GAB1: variants seen among roughly 807,000 people sequenced by gnomAD.
The protein encoded by GAB1 is GRB2 associated binding protein 1, also known as GRB2-associated-binding protein 1.
GAB1 carries 19 observed loss-of-function variants against 66.5 expected under a neutral mutation model. That is an observed-to-expected ratio of 0.29 (90% CI 0.20 to 0.42). The LOEUF is 0.42. GAB1 is among the 10% of genes least tolerant of loss of function. The pLI is 1.00. For synonymous variants in GAB1, 294 were observed against 301.4 expected, an observed-to-expected ratio of 0.98 and a Z score of 0.25; for missense variants, 732 against 858.5, an observed-to-expected ratio of 0.85 and a Z score of 1.84.
intron 1 of GAB1, among the ~76,000 whole-genome samples, chr4:143,339,676 C>T (rs930488104): frequency 5.9e-5 from 9 of 152,064 alleles, no homozygotes; most frequent in African/African-American, 2.2e-4. Context: ...GTCTTTGGGA[C>T]CACGAGACAA....
intron 1 of GAB1, among the ~76,000 whole-genome samples, chr4:143,356,548 A>G (rs1729454363): frequency 6.6e-6 from 1 of 152,182 alleles, no homozygotes; most frequent in Non-Finnish European, 1.5e-5. Flanking sequence ...TAAATACAGT[A>G]TGCATTTGAG....
intron 2 of GAB1, among the ~76,000 whole-genome samples, chr4:143,416,585 C>G (rs1286976971): frequency 6.6e-6 from 1 of 152,038 alleles, no homozygotes; most frequent in African/African-American, 2.4e-5. Flanking sequence ...ACCAGCCTGG[C>G]CAACATGGTG....
Position 143,466,243 on chromosome 4 carries a change from T to C in GAB1, c.1926+18T>C. 1 of 1,611,872 alleles carries C rather than the reference T, an allele frequency of 6.2e-7. No individual in the cohort carries two copies. The highest frequency in any genetic ancestry group is 1.1e-5 in the South Asian group (1 of 90,854). Reference sequence around the variant, plus strand: ...CACGTAAGGTGAGTGACATGTGACATGTCTCTTCTTTGTATACAGTTAGTT... The same window carrying C: ...CACGTAAGGTGAGTGACATGTGACACGTCTCTTCTTTGTATACAGTTAGTT... On this transcript the variant is annotated intron_variant, in intron 9 of 9. Coordinates refer to ENST00000262994, the MANE Select transcript of GAB1 (RefSeq NM_002039.4).
intron 1 of GAB1, among the ~76,000 whole-genome samples, chr4:143,350,690 A>G (rs1013507037): frequency 9.2e-5 from 14 of 151,730 alleles, no homozygotes; most frequent in Admixed American, 9.2e-4. Flanking sequence ...AAAAAAAAAA[A>G]AAAAAAAAGA....
chr4:143,415,918 C>A lies in GAB1; in HGVS notation c.367+147C>A, dbSNP rs566617041. 6.9e-5 allele frequency: 46 copies of A among 670,812 alleles called. 1 individual carries two copies. In the East Asian group the frequency reaches 9.4e-4, roughly 14 times the overall value. 41.6% of individuals were successfully genotyped at this position (670,812 alleles called of 1,614,324 possible). On this transcript the variant is annotated intron_variant, in intron 2 of 9. Transcript: ENST00000262994. ...TTGACATTTGGAAAAAGCACTGAAT[C>A]CTTTAATTAGTTTGGGGAGAAGCTG...
At chr4:143,368,630 G>T (rs933096913) in intron 1 of GAB1, among the ~76,000 whole-genome samples, 3 of 152,010 alleles carry the variant, frequency 2.0e-5, no homozygotes, top group Non-Finnish European at 4.4e-5. Context: ...GAGTTCTTCA[G>T]ATTTTTTCCT....
At chr4:143,373,241 A>G (rs1730222333) in intron 1 of GAB1, among the ~76,000 whole-genome samples, 1 of 152,188 alleles carries the variant, frequency 6.6e-6, no homozygotes, top group Non-Finnish European at 1.5e-5. Context: ...CCTTTGGAAT[A>G]TTGTCTTTCA....
chr4:143,424,032 CG>C (rs1186143206), intron 2 of GAB1, among the ~76,000 whole-genome samples: 1 of 151,298 alleles, frequency 6.6e-6, no homozygotes, highest in African/African-American at 2.4e-5. Flanking sequence ...GTCAGACAAA[CG>C]TAATTGCCTG....
Position 143,396,163 on chromosome 4 carries a change from G to A in GAB1, c.73-19314G>A, listed in dbSNP as rs1578651018. 3.3e-5 allele frequency among the ~76,000 whole-genome samples: 5 copies of A among 152,284 alleles called. 1 individual carries two copies. The highest frequency in any genetic ancestry group is 3.3e-4 in the Admixed American group (5 of 15,292). ...GAGCATTCTCCGCCGAATGGCATGG[G>A]GTAGTGACCCTGACTCTGGACAAGG... is the stretch of plus-strand genomic sequence containing the variant. On this transcript the variant is annotated intron_variant, in intron 1 of 9. Transcript: ENST00000262994.
intron 1 of GAB1, among the ~76,000 whole-genome samples, chr4:143,342,185 C>A (rs1248042288): frequency 2.0e-5 from 3 of 151,512 alleles, no homozygotes; most frequent in Admixed American, 2.0e-4. Flanking sequence ...TAGAACTCTC[C>A]ACGTGCAACT....
chr4:143,438,376 C>A lies in GAB1; in HGVS notation c.971C>A (p.Pro324Gln). Residue 324 changes from proline (P) to glutamine (Q), a missense_variant, in exon 4 of 10, where the codon CCA (proline) becomes CAA (glutamine). Around this residue, in one of 4 missense-constraint regions of GAB1, gnomAD observed 427 missense variants for 420.6 expected, o/e 1.02. Coordinates refer to ENST00000262994, the MANE Select transcript of GAB1 (RefSeq NM_002039.4). ...GNTYQIPRTF[P>Q]EGTLGQTSKL... ...ACTTATCAGATTCCACGAACATTTC[C>A]AGAAGGAACCTTGGGACAGACATCA... 1 of 1,614,070 alleles carries A rather than the reference C, an allele frequency of 6.2e-7. No homozygotes were observed. Among genetic ancestry groups the A allele is most frequent in the Non-Finnish European group, 8.5e-7 (1 of 1,179,974 alleles).
intron 1 of GAB1, among the ~76,000 whole-genome samples, chr4:143,411,074 G>T (rs1732360600): frequency 6.6e-6 from 1 of 152,108 alleles, no homozygotes; most frequent in South Asian, 2.1e-4. Flanking sequence ...GAGTGTTTGG[G>T]AAACTACAAG....
At chr4:143,373,887 T>TATA (rs1560726049) in intron 1 of GAB1, among the ~76,000 whole-genome samples, 6 of 98,248 alleles carry the variant, frequency 6.1e-5, no homozygotes, top group Non-Finnish European at 1.2e-4. Context: ...ATATATATAT[T>TATA]TTTACCTTTC....
At chr4:143,441,480 G>A (rs1414605213) in intron 6 of GAB1, among the ~76,000 whole-genome samples, 1 of 152,174 alleles carries the variant, frequency 6.6e-6, no homozygotes, top group African/African-American at 2.4e-5. Flanking sequence ...GTGAGGAAAA[G>A]AGACTGAGGC....
Position 143,336,955 on chromosome 4 carries a change from A to C in GAB1, c.-234A>C, listed in dbSNP as rs1033530523. 1 of 480,676 alleles carries C rather than the reference A, an allele frequency of 2.1e-6. No individual in the cohort carries two copies. The highest frequency in any genetic ancestry group is 3.7e-6 in the Non-Finnish European group (1 of 272,012). 29.8% of individuals were successfully genotyped at this position (480,676 alleles called of 1,614,324 possible). On this transcript the variant is annotated 5_prime_UTR_variant, in exon 1 of 10. Coordinates refer to ENST00000262994, the MANE Select transcript of GAB1 (RefSeq NM_002039.4). ...GAGGCGAGGCGGGCGCACTGAAAGG[A>C]GGCCGGCGCGCCCGCGGCCCCGGCT...
intron 6 of GAB1, among the ~76,000 whole-genome samples, chr4:143,455,737 T>G (rs1436783657): frequency 6.6e-6 from 1 of 152,246 alleles, no homozygotes; most frequent in Non-Finnish European, 1.5e-5. Context: ...ATGAGCACAT[T>G]TCTTCCTTTC....
chr4:143,372,974 T>C (rs542333304), intron 1 of GAB1, among the ~76,000 whole-genome samples: 10 of 152,286 alleles, frequency 6.6e-5, no homozygotes, highest in African/African-American at 2.4e-4. Flanking sequence ...TAATGCTTAT[T>C]AGACTATTTC....
intron 1 of GAB1, among the ~76,000 whole-genome samples, chr4:143,341,673 T>C (rs1728828186): frequency 1.3e-5 from 2 of 152,168 alleles, no homozygotes; most frequent in South Asian, 4.1e-4. Context: ...ACAGGACAAC[T>C]CTTGTCTGGA....
intron 1 of GAB1, among the ~76,000 whole-genome samples, chr4:143,415,202 T>G (rs564455598): frequency 6.6e-6 from 1 of 152,350 alleles, no homozygotes; most frequent in East Asian, 1.9e-4. Flanking sequence ...TAGTAAAAAC[T>G]GAATCCTCCT....
Sources: gnomAD v4.1 joint callset for allele counts (sites outside exome capture counted in the v4.1 genomes callset) on GRCh38, gnomAD v4.1.1 for gene constraint, gnomAD v4.1.1 regional missense constraint, MANE v1.5 for transcripts, NCBI Gene and HGNC (gene_info 2026-07-23, HGNC 2026-07-21) for gene names.